ZNF778: variants seen among roughly 807,000 people sequenced by gnomAD.
ZNF778 encodes the protein zinc finger protein 778.
ZNF778 carries 37 observed loss-of-function variants against 23.9 expected under a neutral mutation model. The observed-to-expected ratio is 1.54, with a 90% confidence interval of 1.19 to 2.03. The LOEUF (loss-of-function observed/expected upper bound fraction) is 2.03, where lower values mean the gene tolerates loss of function less well. Ranked by LOEUF, ZNF778 falls within the 30% of genes most tolerant of loss-of-function variation. The pLI, the probability that ZNF778 is intolerant of heterozygous loss-of-function variation, is 0.00. For synonymous variants in ZNF778, 483 were observed against 343.9 expected (o/e 1.40, Z -4.48); for missense variants, 1,297 against 934.4 (o/e 1.39, Z -5.06).
intron 6 of ZNF778, among the ~76,000 whole-genome samples, chr16:89,226,262 A>G (rs186316944): frequency 1.5e-3 from 232 of 151,634 alleles, no homozygotes; most frequent in African/African-American, 5.5e-3. Context: ...CTGGAATGCA[A>G]CGGCGCAATC....
chr16:89,224,936 G>C (rs1597355047), intron 5 of ZNF778, 134 bp downstream of exon 5: 1 of 621,050 alleles, frequency 1.6e-6, no homozygotes, highest in Non-Finnish European at 2.8e-6. Flanking sequence ...GTCGAGTTTA[G>C]CGGCTGTGGA....
Position 89,228,380 on chromosome 16 carries a change from C to T in ZNF778, c.2092C>T (p.Gln698Ter). 4 of 1,613,650 alleles carry T rather than the reference C, an allele frequency of 2.5e-6. No homozygotes were observed. Among genetic ancestry groups the T allele is most frequent in the East Asian group, 4.5e-5 (2 of 44,876 alleles). ...TAAACATGGAAGAATTCACACTGGG[C>T]AGAAACCCTATAAATGTAAGGAATG... The part of the protein sequence containing the change: ...LHKHGRIHTG[Q>*]KPYKCKECGK... Residue 698 changes from glutamine (Q) to a stop codon, truncating the protein, a stop_gained, in exon 7 of 7, where the codon CAG becomes TAG. Transcript: ENST00000433976. LOFTEE classifies it low-confidence loss of function (END_TRUNC).
At chr16:89,225,773 T>C in intron 6 of ZNF778, 142 bp downstream of exon 6, 1 of 758,104 alleles carries the variant, frequency 1.3e-6, no homozygotes. Context: ...ACACTCTGAA[T>C]GTGCGGAATT....
chr16:89,221,673 C>G (rs1236825586), intron 2 of ZNF778, among the ~76,000 whole-genome samples: 2 of 143,782 alleles, frequency 1.4e-5, no homozygotes, highest in Non-Finnish European at 3.0e-5. Context: ...GTGTATTTTC[C>G]TGAGGCAGTT....
In ZNF778 at chr16:89,236,947, C is replaced by T. The variant is rs1363944522; in HGVS notation, c.*8385C>T. On this transcript the variant is annotated 3_prime_UTR_variant, in exon 7 of 7. Transcript: ENST00000433976. ...AATTAGCTGTGTGTGGTTGGGGGCA[C>T]CTGTAATCTCAGCTTCTCAGGAGGC... 6.6e-6 allele frequency: 1 copy of T among 151,926 alleles called. No individual in the cohort carries two copies. The highest frequency in any genetic ancestry group is 1.5e-5 in the Non-Finnish European group (1 of 68,032). 9.4% of individuals were successfully genotyped at this position (151,926 alleles called of 1,614,324 possible). A position where few individuals can be genotyped will look rare whatever the true frequency, so the allele number is the denominator to read the frequency against.
In ZNF778 at chr16:89,226,690, A is replaced by G. The variant is rs1332536161; in HGVS notation, c.406-4A>G. ...CCTGACCACCACTCATTCTTCACCAACAGGCAAGAAGCCACAATGGAGGGC... is the reference window on the plus strand; with the variant it reads ...CCTGACCACCACTCATTCTTCACCAGCAGGCAAGAAGCCACAATGGAGGGC... On this transcript the variant is annotated splice_region_variant and splice_polypyrimidine_tract_variant and intron_variant, in intron 6 of 6. Coordinates refer to ENST00000433976, the MANE Select transcript of ZNF778 (RefSeq NM_001201407.2). 17 of 1,603,958 alleles carry G rather than the reference A, an allele frequency of 1.1e-5. No homozygotes were observed. The highest frequency in any genetic ancestry group is 4.0e-5 in the African/African-American group (3 of 74,562).
At chr16:89,222,302 C>T (rs1404400813) in intron 3 of ZNF778, 119 bp downstream of exon 3, 16 of 616,114 alleles carry the variant, frequency 2.6e-5, no homozygotes, top group Admixed American at 7.3e-5. Context: ...CCTAGTTGAA[C>T]GCCTCCAGGG....
At chr16:89,223,508 G>C (rs1473977693) in intron 4 of ZNF778, among the ~76,000 whole-genome samples, 3 of 152,110 alleles carry the variant, frequency 2.0e-5, no homozygotes, top group Non-Finnish European at 4.4e-5. Flanking sequence ...GCTTCAGCTG[G>C]GACACATTGG....
At position 89,229,285 on chromosome 16, in the gene ZNF778, G is replaced by C. The variant is rs1194676323; in HGVS notation, c.*723G>C. 3 of 985,226 alleles carry C rather than the reference G, an allele frequency of 3.0e-6. No homozygotes were observed. Among genetic ancestry groups the C allele is most frequent in the South Asian group, 4.7e-5 (1 of 21,268 alleles). The allele number at this position is 985,226 out of a possible 1,614,324, so 61.0% of individuals were successfully genotyped here. A position where few individuals can be genotyped will look rare whatever the true frequency, so the allele number is the denominator to read the frequency against. ...GCGTAGGCTCTGGTTGGTTAGTCTT[G>C]AGGATCCAGATGTGATTCTGTGAGC... On this transcript the variant is annotated 3_prime_UTR_variant, in exon 7 of 7. Transcript: ENST00000433976.
In ZNF778 at chr16:89,233,011, G is replaced by T. The variant is rs979989056; in HGVS notation, c.*4449G>T. On this transcript the variant is annotated 3_prime_UTR_variant, in exon 7 of 7. Coordinates refer to ENST00000433976, the MANE Select transcript of ZNF778 (RefSeq NM_001201407.2). Reference sequence around the variant, plus strand: ...GCGTATGCAACCCAGCTCGCTCTGCGTATGCAACTCAAGTCGCACTGCGTA... The same window carrying T: ...GCGTATGCAACCCAGCTCGCTCTGCTTATGCAACTCAAGTCGCACTGCGTA... 7.9e-7 allele frequency: 1 copy of T among 1,272,168 alleles called. No individual in the cohort carries two copies. Among genetic ancestry groups the T allele is most frequent in the Non-Finnish European group, 1.0e-6 (1 of 980,766 alleles). 78.8% of individuals were successfully genotyped at this position (1,272,168 alleles called of 1,614,324 possible).
chr16:89,220,152 A>G (rs1404273125), intron 1 of ZNF778, among the ~76,000 whole-genome samples: 2 of 152,210 alleles, frequency 1.3e-5, no homozygotes, highest in Non-Finnish European at 2.9e-5. Flanking sequence ...GCAGGTGACA[A>G]CAAAGTCAAC....
intron 4 of ZNF778, among the ~76,000 whole-genome samples, chr16:89,223,994 G>A (rs9924954): frequency 0.09 from 13,645 of 150,822 alleles, 572 homozygotes; most frequent in African/African-American, 0.16. Flanking sequence ...GAGGCCGGGC[G>A]CGGTGGCTCA....
Position 89,232,966 on chromosome 16 carries a change from T to A in ZNF778, c.*4404T>A. On this transcript the variant is annotated 3_prime_UTR_variant, in exon 7 of 7. Coordinates refer to ENST00000433976, the MANE Select transcript of ZNF778 (RefSeq NM_001201407.2). Reference sequence around the variant, plus strand: ...CCTATGCAACTCAGCTCGCTCTGCGTATGCAACTGAGCTCGCTCTGCGTAT... The same window carrying A: ...CCTATGCAACTCAGCTCGCTCTGCGAATGCAACTGAGCTCGCTCTGCGTAT... 1 of 1,264,074 alleles carries A rather than the reference T, an allele frequency of 7.9e-7. No homozygotes were observed. Among genetic ancestry groups the A allele is most frequent in the Admixed American group, 2.4e-5 (1 of 41,568 alleles). The allele number at this position is 1,264,074 out of a possible 1,614,324, so 78.3% of individuals were successfully genotyped here.
Position 89,228,539 on chromosome 16 carries a change from C to A in ZNF778, c.2251C>A (p.His751Asn). Residue 751 changes from histidine to asparagine, a missense_variant, in exon 7 of 7, where the codon CAC (histidine) becomes AAC (asparagine). His to Asn is a moderately conservative substitution (Grantham distance 68). Transcript: ENST00000433976. ...ATGCCTTAACCATCACACTCAAATT[C>A]ACACTGATGAGAAACCTTTCTAATG... is the stretch of plus-strand genomic sequence containing the variant. ...SSCLNHHTQI[H>N]TDEKPF The A allele has an allele frequency of 6.3e-7, 1 of 1,591,102 alleles. No individual in the cohort carries two copies. Among genetic ancestry groups the A allele is most frequent in the South Asian group, 1.2e-5 (1 of 86,650 alleles).
rs1335966281 is a variant in ZNF778, at chr16:89,233,505, G to C, written c.*4943G>C. On this transcript the variant is annotated 3_prime_UTR_variant, in exon 7 of 7. Coordinates refer to ENST00000433976, the MANE Select transcript of ZNF778 (RefSeq NM_001201407.2). ...TCACACTGCGTATGCAACTCAGCTT[G>C]CTCTGTGTATGCAACTCAACTCGCA... The C allele has an allele frequency of 1.6e-6, 2 of 1,266,792 alleles. No homozygotes were observed. The highest frequency in any genetic ancestry group is 1.6e-5 in the African/African-American group (1 of 62,950). The allele number at this position is 1,266,792 out of a possible 1,614,324, so 78.5% of individuals were successfully genotyped here. A position where few individuals can be genotyped will look rare whatever the true frequency, so the allele number is the denominator to read the frequency against.
In ZNF778 at chr16:89,221,022, G is replaced by C; in HGVS notation, c.-106G>C. On this transcript the variant is annotated 5_prime_UTR_variant, in exon 2 of 7. Transcript: ENST00000433976. ...GAAATAGGGATCCAGCCATCCGTGGGTCAGGAGGAATGGAGACTGTACCTT... is the reference window on the plus strand; with the variant it reads ...GAAATAGGGATCCAGCCATCCGTGGCTCAGGAGGAATGGAGACTGTACCTT... 1 of 1,284,546 alleles carries C rather than the reference G, an allele frequency of 7.8e-7. No homozygotes were observed. The highest frequency in any genetic ancestry group is 1.1e-6 in the Non-Finnish European group (1 of 912,864). The allele number at this position is 1,284,546 out of a possible 1,614,324, so 79.6% of individuals were successfully genotyped here. A position where few individuals can be genotyped will look rare whatever the true frequency, so the allele number is the denominator to read the frequency against.
intron 3 of ZNF778, 73 bp from the exon 4 acceptor site, chr16:89,223,084 C>G: frequency 6.5e-7 from 1 of 1,547,776 alleles, no homozygotes; most frequent in Non-Finnish European, 8.7e-7. Context: ...GGCGTAGGGC[C>G]CCGCCTCCTC....
At chr16:89,225,759 G>C (rs1327058390) in intron 6 of ZNF778, 128 bp downstream of exon 6, 2 of 844,216 alleles carry the variant, frequency 2.4e-6, no homozygotes, top group East Asian at 2.9e-5. Context: ...GTTGTCTGTA[G>C]AGAACACTCT....
At position 89,232,703 on chromosome 16, in the gene ZNF778, G is replaced by A. The variant is rs141803609; in HGVS notation, c.*4141G>A. 7.3e-4 allele frequency: 918 copies of A among 1,265,008 alleles called. 4 individuals are homozygous for A. Among genetic ancestry groups the A allele is most frequent in the Middle Eastern group, 4.4e-3 (20 of 4,594 alleles). 78.4% of individuals were successfully genotyped at this position (1,265,008 alleles called of 1,614,324 possible). A position where few individuals can be genotyped will look rare whatever the true frequency, so the allele number is the denominator to read the frequency against. On this transcript the variant is annotated 3_prime_UTR_variant, in exon 7 of 7. Coordinates refer to ENST00000433976, the MANE Select transcript of ZNF778 (RefSeq NM_001201407.2). ...GGGGTCTTGCTGTGGGGGCTAGACCGTCCCTCTCAGGCTAGATCATTCCTA... is the reference window on the plus strand; with the variant it reads ...GGGGTCTTGCTGTGGGGGCTAGACCATCCCTCTCAGGCTAGATCATTCCTA...
Sources: gnomAD v4.1 joint callset for allele counts (sites outside exome capture counted in the v4.1 genomes callset) on GRCh38, gnomAD v4.1.1 for gene constraint, MANE v1.5 for transcripts, NCBI Gene and HGNC (gene_info 2026-07-23, HGNC 2026-07-21) for gene names.